Variants in CFAP77 observed in about 807,000 individuals in gnomAD.
CFAP77 encodes cilia- and flagella-associated protein 77.
In CFAP77, 25 loss-of-function variants were observed where a neutral mutation model predicts 31.1. The observed-to-expected ratio is 0.80, with a 90% confidence interval of 0.59 to 1.12. The LOEUF (loss-of-function observed/expected upper bound fraction) is 1.12. Among genes scored for constraint, CFAP77 ranks in the 50% most tolerant of loss-of-function variants. The probability of loss-of-function intolerance (pLI) is 0.00; values close to 1 mark genes in which losing one functional copy is unlikely to be tolerated. For synonymous variants in CFAP77, 151 were observed against 159.9 expected, an observed-to-expected ratio of 0.94 and a Z score of 0.42; for missense variants, 377 against 397.3, an observed-to-expected ratio of 0.95 and a Z score of 0.44.
intron 5 of CFAP77, among the ~76,000 whole-genome samples, chr9:132,568,556 C>CAAAA (rs34754814): frequency 6.7e-5 from 6 of 90,030 alleles, no homozygotes; most frequent in African/African-American, 1.2e-4. Context: ...AACTCCGCCT[C>CAAAA]AAAAAAAAAA....
chr9:132,474,172 A>C (rs76225201), intron 1 of CFAP77, among the ~76,000 whole-genome samples: 2,566 of 152,288 alleles, frequency 0.017, 83 homozygotes, highest in African/African-American at 0.058. Context: ...ATTAAAAACA[A>C]AGCTCATTGT....
rs1353924771 is a variant in CFAP77, at chr9:132,529,418, T to C, written c.525-8183T>C. On this transcript the variant is annotated intron_variant, in intron 3 of 5. Transcript: ENST00000393216. Reference sequence around the variant, plus strand: ...ATATACCTAATGCTAAATGACACGTTAGTGGGTGCAGCGCACCAGCATGGC... The same window carrying C: ...ATATACCTAATGCTAAATGACACGTCAGTGGGTGCAGCGCACCAGCATGGC... 1.4e-5 allele frequency among the ~76,000 whole-genome samples: 2 copies of C among 140,292 alleles called. 1 individual carries two copies. Among genetic ancestry groups the C allele is most frequent in the African/African-American group, 5.2e-5 (2 of 38,202 alleles). 92.0% of individuals were successfully genotyped at this position (140,292 alleles called of 152,430 possible).
At chr9:132,420,890 G>A (rs757719475) in intron 1 of CFAP77, among the ~76,000 whole-genome samples, 2 of 152,024 alleles carry the variant, frequency 1.3e-5, no homozygotes, top group Non-Finnish European at 2.9e-5. Flanking sequence ...TGGTACAGAC[G>A]TGGCCACAGC....
rs902575356 is a variant in CFAP77, at chr9:132,545,661, A to G, written c.732+2614A>G. ...CTTAGACACACAGAGTGCTGCCGTT[A>G]TGGGTGTCACACGCAGTCGCCTCCT... On this transcript the variant is annotated intron_variant, in intron 5 of 5. Transcript: ENST00000393216. The surrounding 1 kb of genome is among the most constrained non-coding windows in gnomAD (Gnocchi z 4.6). 3.3e-5 allele frequency among the ~76,000 whole-genome samples: 5 copies of G among 152,210 alleles called. No homozygotes were observed. Among genetic ancestry groups the G allele is most frequent in the African/African-American group, 1.2e-4 (5 of 41,462 alleles).
At chr9:132,537,764 C>A in intron 4 of CFAP77, 58 bp downstream of exon 4, 5 of 1,311,386 alleles carry the variant, frequency 3.8e-6, no homozygotes, top group Non-Finnish European at 4.4e-6. Flanking sequence ...GAGAGAAGGG[C>A]TGGCCAGGGC....
rs1300226435 is a variant in CFAP77, at chr9:132,486,036, ATATATG to A, written c.196-12655_196-12650del. Among the ~76,000 whole-genome samples, 33 of 27,596 alleles carry A rather than the reference ATATATG, an allele frequency of 1.2e-3. 4 individuals carry two copies. The highest frequency in any genetic ancestry group is 7.8e-3 in the African/African-American group (20 of 2,550). The allele number at this position is 27,596 out of a possible 152,430, so 18.1% of individuals were successfully genotyped here. On this transcript the variant is annotated intron_variant, in intron 1 of 5. Transcript: ENST00000393216. ...TATATATATATATATATATATATAT[ATATATG>A]TATGTATATGTATGTGTGTGTGTGT...
chr9:132,438,541 A>ATATATATATATATT, intron 1 of CFAP77, among the ~76,000 whole-genome samples: 1 of 108,128 alleles, frequency 9.2e-6, no homozygotes, highest in African/African-American at 4.1e-5. Context: ...ATATATATAT[A>ATATATATATATATT]TTTTTTTTTT....
chr9:132,465,284 A>T (rs1271354019), intron 1 of CFAP77, among the ~76,000 whole-genome samples: 2 of 152,122 alleles, frequency 1.3e-5, no homozygotes, highest in Admixed American at 6.5e-5. Flanking sequence ...TCTTCTACTG[A>T]AATTCATTAG....
chr9:132,543,950 G>A (rs1174657982), intron 5 of CFAP77, among the ~76,000 whole-genome samples: 1 of 152,206 alleles, frequency 6.6e-6, no homozygotes, highest in Admixed American at 6.5e-5. Flanking sequence ...GGGGAGGTGC[G>A]TGTGTCCAGC....
At chr9:132,456,273 A>G (rs562659171) in intron 1 of CFAP77, among the ~76,000 whole-genome samples, 1 of 152,310 alleles carries the variant, frequency 6.6e-6, no homozygotes, top group Non-Finnish European at 1.5e-5. Context: ...CTCTGTCCAC[A>G]GTAGCTGTTG....
intron 1 of CFAP77, among the ~76,000 whole-genome samples, chr9:132,431,097 G>C (rs547538042): frequency 6.6e-6 from 1 of 152,170 alleles, no homozygotes; most frequent in Non-Finnish European, 1.5e-5. Context: ...AGCCAGAGAA[G>C]GGAAGTCCAA....
chr9:132,419,508 T>G (rs973850283), intron 1 of CFAP77, among the ~76,000 whole-genome samples: 2 of 152,332 alleles, frequency 1.3e-5, no homozygotes, highest in Admixed American at 6.5e-5. Context: ...CCACAGCATT[T>G]CTGTTGAGGG....
intron 5 of CFAP77, among the ~76,000 whole-genome samples, chr9:132,568,832 TG>T (rs1236795019): frequency 2.6e-5 from 4 of 152,044 alleles, no homozygotes; most frequent in Admixed American, 1.3e-4. Flanking sequence ...CCCAAGTAGC[TG>T]GGACTATAGG....
chr9:132,503,879 T>C (rs1314577368), intron 3 of CFAP77, among the ~76,000 whole-genome samples: 1 of 152,092 alleles, frequency 6.6e-6, no homozygotes. Flanking sequence ...TGAAACCTCG[T>C]CTCCACTAAA....
In CFAP77 at chr9:132,434,318, G is replaced by T. The variant is rs1380995239; in HGVS notation, c.195+23852G>T. On this transcript the variant is annotated intron_variant, in intron 1 of 5. Coordinates refer to ENST00000393216, the MANE Select transcript of CFAP77 (RefSeq NM_001282957.2). ...TTGTTCTTACCATGTATATGAAAAT[G>T]TCTGTCCTTGTGGGTTCCTTGTGGC... Among the ~76,000 whole-genome samples the T allele has an allele frequency of 2.6e-5, 4 of 152,012 alleles. No individual in the cohort carries two copies. In the East Asian group the frequency reaches 7.7e-4, roughly 29 times the overall value.
chr9:132,548,566 G>T (rs1852771910), intron 5 of CFAP77, among the ~76,000 whole-genome samples: 1 of 152,126 alleles, frequency 6.6e-6, no homozygotes, highest in African/African-American at 2.4e-5. Flanking sequence ...CTGTGCCCCA[G>T]CAGCGAGGCC....
intron 1 of CFAP77, among the ~76,000 whole-genome samples, chr9:132,466,798 T>C (rs1851157978): frequency 6.6e-6 from 1 of 152,226 alleles, no homozygotes; most frequent in Non-Finnish European, 1.5e-5. Context: ...CTCCACCTGC[T>C]CTAATTCTTT....
chr9:132,563,307 C>T (rs1829846860), intron 5 of CFAP77, among the ~76,000 whole-genome samples: 1 of 152,222 alleles, frequency 6.6e-6, no homozygotes, highest in African/African-American at 2.4e-5. Context: ...AGCCACTGCA[C>T]CCGGCCTATT....
chr9:132,417,346 C>T (rs927662816), intron 1 of CFAP77, among the ~76,000 whole-genome samples: 11 of 152,230 alleles, frequency 7.2e-5, no homozygotes, highest in Admixed American at 6.5e-4. Flanking sequence ...AACCCCTGAC[C>T]TCGTGATCCG....
Sources: gnomAD v4.1 joint callset for allele counts (sites outside exome capture counted in the v4.1 genomes callset) on GRCh38, gnomAD v4.1.1 for gene constraint, Gnocchi (gnomAD v3.1) non-coding constraint, MANE v1.5 for transcripts, NCBI Gene and HGNC (gene_info 2026-07-23, HGNC 2026-07-21) for gene names.